PTPRD: variants seen among roughly 807,000 people sequenced by gnomAD.
PTPRD encodes receptor-type tyrosine-protein phosphatase delta.
In PTPRD, 34 loss-of-function variants were observed where a neutral mutation model predicts 214.5. The ratio of observed to expected loss-of-function variants is 0.16; its 90% CI spans 0.12 to 0.21. The LOEUF is 0.21. PTPRD is among the 10% of genes least tolerant of loss of function. PTPRD has a pLI of 1.00. For synonymous variants in PTPRD, 1,128 were observed against 845.7 expected (o/e 1.33, Z -5.79); for missense variants, 2,545 against 2,398.7 (o/e 1.06, Z -1.27).
intron 5 of PTPRD, among the ~76,000 whole-genome samples, chr9:9,775,402 G>C (rs2098789633): frequency 6.6e-6 from 1 of 152,170 alleles, no homozygotes; most frequent in South Asian, 2.1e-4. Flanking sequence ...CTCCATCTTT[G>C]GGCAAGTTAT....
intron 9 of PTPRD, among the ~76,000 whole-genome samples, chr9:9,306,474 G>A (rs1197502638): frequency 2.8e-5 from 4 of 142,950 alleles, no homozygotes; most frequent in Non-Finnish European, 6.0e-5. Flanking sequence ...TTAGGCAGGA[G>A]AATCTCTTGA....
At chr9:10,414,132 G>C (rs2098464376) in intron 2 of PTPRD, among the ~76,000 whole-genome samples, 1 of 151,896 alleles carries the variant, frequency 6.6e-6, no homozygotes. Context: ...AAGAGCTTGG[G>C]CACAGCGAAA....
At chr9:10,512,823 T>G (rs924552722) in intron 2 of PTPRD, among the ~76,000 whole-genome samples, 1 of 152,040 alleles carries the variant, frequency 6.6e-6, no homozygotes, top group African/African-American at 2.4e-5. Context: ...AGTATTAAAG[T>G]ATAACTAGAG....
At chr9:9,062,022 T>C (rs927895324) in intron 10 of PTPRD, among the ~76,000 whole-genome samples, 2 of 152,118 alleles carry the variant, frequency 1.3e-5, no homozygotes, top group East Asian at 3.8e-4. Context: ...CAAGCATCTT[T>C]ACAAATATTA....
chr9:9,218,041 T>C (rs1341210101), intron 9 of PTPRD, among the ~76,000 whole-genome samples: 2 of 152,128 alleles, frequency 1.3e-5, no homozygotes, highest in African/African-American at 4.8e-5. Flanking sequence ...GGTCCGAAAA[T>C]AGAACATATA....
intron 3 of PTPRD, among the ~76,000 whole-genome samples, chr9:10,240,117 T>A (rs1200632105): frequency 1.3e-5 from 2 of 152,016 alleles, no homozygotes; most frequent in African/African-American, 2.4e-5. Flanking sequence ...GATTATATAC[T>A]TTTTGTATAA....
At chr9:8,421,102 A>G (rs2094328831) in intron 35 of PTPRD, among the ~76,000 whole-genome samples, 1 of 152,100 alleles carries the variant, frequency 6.6e-6, no homozygotes, top group Non-Finnish European at 1.5e-5. Flanking sequence ...AGTAGTTAAG[A>G]GTTATAACCT....
intron 5 of PTPRD, among the ~76,000 whole-genome samples, chr9:9,827,965 C>T (rs1032824992): frequency 1.3e-4 from 20 of 152,114 alleles, no homozygotes; most frequent in Non-Finnish European, 2.2e-4. Flanking sequence ...TACAATCTCA[C>T]ACCAGTTAGA....
intron 2 of PTPRD, among the ~76,000 whole-genome samples, chr9:10,586,383 T>G (rs2073888571): frequency 6.6e-6 from 1 of 151,942 alleles, no homozygotes; most frequent in African/African-American, 2.4e-5. Flanking sequence ...AACTTCAAAT[T>G]GCTATATTCA....
chr9:9,205,284 C>A lies in PTPRD; in HGVS notation c.-202-21921G>T, dbSNP rs1480691288. Among the ~76,000 whole-genome samples the A allele has an allele frequency of 5.9e-5, 9 of 152,188 alleles. No individual in the cohort carries two copies. The South Asian group carries it at 1.2e-3, about 21-fold the overall frequency. On this transcript the variant is annotated intron_variant, in intron 9 of 45. Transcript: ENST00000381196. ...CACATTTAATTCAGACAACTTAAAC[C>A]AGTGTCTTTTGTCTAATCATATAAT...
intron 14 of PTPRD, among the ~76,000 whole-genome samples, chr9:8,542,991 G>A (rs1306408676): frequency 6.6e-6 from 1 of 152,164 alleles, no homozygotes; most frequent in Non-Finnish European, 1.5e-5. Context: ...AAATATTAGA[G>A]TATGACAGCC....
Position 8,554,605 on chromosome 9 carries a change from C to G in PTPRD, c.353-25826G>C, listed in dbSNP as rs2083158707. ...ACACATTAATAGGCTAAGAAATGGA[C>G]TTTGAGTGCCAGGCTATTGAAGCAA... On this transcript the variant is annotated intron_variant, in intron 14 of 45. Coordinates refer to ENST00000381196, the MANE Select transcript of PTPRD (RefSeq NM_002839.4). Among the ~76,000 whole-genome samples the G allele has an allele frequency of 2.0e-5, 3 of 152,132 alleles. No individual in the cohort carries two copies. The South Asian group carries it at 6.2e-4, about 31-fold the overall frequency.
intron 8 of PTPRD, among the ~76,000 whole-genome samples, chr9:9,474,355 A>G (rs958917093): frequency 1.6e-4 from 25 of 152,016 alleles, no homozygotes; most frequent in Admixed American, 1.5e-3. Flanking sequence ...TGATTATGAT[A>G]GCTTTATAGT....
chr9:8,491,451 T>G (rs554846876), intron 27 of PTPRD, among the ~76,000 whole-genome samples: 2 of 152,280 alleles, frequency 1.3e-5, no homozygotes, highest in Non-Finnish European at 2.9e-5. Flanking sequence ...GGAGTGGTGC[T>G]TCATATAAAA....
At chr9:8,605,794 T>C (rs2095172108) in intron 14 of PTPRD, among the ~76,000 whole-genome samples, 1 of 152,162 alleles carries the variant, frequency 6.6e-6, no homozygotes, top group Non-Finnish European at 1.5e-5. Context: ...TCTGCTCATC[T>C]CTATGGAAGT....
intron 8 of PTPRD, among the ~76,000 whole-genome samples, chr9:9,448,980 A>G (rs2091337038): frequency 6.6e-6 from 1 of 152,100 alleles, no homozygotes; most frequent in Non-Finnish European, 1.5e-5. Context: ...CTCTCTGAGG[A>G]ATTCCTATCT....
chr9:9,055,859 T>C (rs1401466006), intron 10 of PTPRD, among the ~76,000 whole-genome samples: 1 of 150,946 alleles, frequency 6.6e-6, no homozygotes, highest in Non-Finnish European at 1.5e-5. Context: ...AAAATACATA[T>C]GCATTATATA....
chr9:8,782,041 G>T (rs62528838), intron 11 of PTPRD, among the ~76,000 whole-genome samples: 20,008 of 142,256 alleles, frequency 0.14, 1,789 homozygotes, highest in Admixed American at 0.18. Flanking sequence ...TGTTTATTAT[G>T]TATACATAAT....
At chr9:8,895,962 T>G (rs1281929746) in intron 11 of PTPRD, among the ~76,000 whole-genome samples, 1 of 152,238 alleles carries the variant, frequency 6.6e-6, no homozygotes, top group East Asian at 1.9e-4. Context: ...CCCTGTAGTT[T>G]GCTCTTGTAA....
Sources: gnomAD v4.1 joint callset for allele counts (sites outside exome capture counted in the v4.1 genomes callset) on GRCh38, gnomAD v4.1.1 for gene constraint, MANE v1.5 for transcripts, NCBI Gene and HGNC (gene_info 2026-07-23, HGNC 2026-07-21) for gene names.